Variants in MYBPC3 observed in about 807,000 individuals in gnomAD.
MYBPC3 encodes myosin-binding protein C, cardiac-type.
In MYBPC3, 108 loss-of-function variants were observed where a neutral mutation model predicts 159.3. That is an observed-to-expected ratio of 0.68 (90% confidence interval 0.58 to 0.80). The LOEUF is 0.80. Among genes scored for constraint, MYBPC3 ranks in the 30% least tolerant of loss-of-function variants. The pLI is 0.00. For missense variants in MYBPC3, 1,631 were observed against 1,762.1 expected, an observed-to-expected ratio of 0.93 and a Z score of 1.33; for synonymous variants, 730 against 702.0, an observed-to-expected ratio of 1.04 and a Z score of -0.63.
chr11:47,341,819 G>A (rs2095888877), intron 18 of MYBPC3, among the ~76,000 whole-genome samples, 172 bp downstream of exon 18: 2 of 151,436 alleles, frequency 1.3e-5, no homozygotes, highest in African/African-American at 4.9e-5. Context: ...TGTCTTTTTG[G>A]GTCTGTCTGT....
intron 12 of MYBPC3, among the ~76,000 whole-genome samples, chr11:47,345,682 G>T (rs767210650): frequency 2.0e-5 from 3 of 152,164 alleles, no homozygotes; most frequent in Non-Finnish European, 4.4e-5. Context: ...ATCTGCCTGG[G>T]GGTGAGGGTA....
Position 47,338,793 on chromosome 11 carries a change from G to A in MYBPC3, c.2149-114C>T. The A allele has an allele frequency of 7.2e-6, 9 of 1,252,948 alleles. No individual in the cohort carries two copies. Among genetic ancestry groups the A allele is most frequent in the Non-Finnish European group, 7.6e-6 (7 of 925,870 alleles). 77.6% of individuals were successfully genotyped at this position (1,252,948 alleles called of 1,614,324 possible). A position where few individuals can be genotyped will look rare whatever the true frequency, so the allele number is the denominator to read the frequency against. The stretch of plus-strand genomic sequence containing the variant: ...ATGGGGGGAACACAGCCTGTGGGAA[G>A]ACTGCATCCACGTCAGCATCTAGTT... On this transcript the variant is annotated intron_variant, in intron 22 of 34. Coordinates refer to ENST00000545968, the MANE Select transcript of MYBPC3 (RefSeq NM_000256.3). This position sits in a 1 kb window ranked among gnomAD's most constrained non-coding sequence, Gnocchi z 4.7.
In MYBPC3 at chr11:47,338,649, C is replaced by T. The variant is rs564378953; in HGVS notation, c.2179G>A (p.Val727Met). 99 of 1,613,568 alleles carry T rather than the reference C, an allele frequency of 6.1e-5. No homozygotes were observed. The highest frequency in any genetic ancestry group is 1.3e-4 in the Admixed American group (8 of 59,954). ...LLCETEGRVR[V>M]ETTKDRSIFT... The stretch of plus-strand genomic sequence containing the variant: ...ATGCTGCGGTCCTTGGTGGTCTCCA[C>T]GCGGACCCGGCCCTCGGTCTCACAC... The change falls in exon 23 of 35, where the codon GTG becomes ATG. Residue 727 changes from valine (V) to methionine (M), a missense_variant. Transcript: ENST00000545968. The surrounding 1 kb of genome is among the most constrained non-coding windows in gnomAD (Gnocchi z 4.7).
intron 25 of MYBPC3, among the ~76,000 whole-genome samples, 178 bp downstream of exon 25, chr11:47,337,213 T>C (rs2095883132): frequency 1.3e-5 from 2 of 152,176 alleles, no homozygotes; most frequent in African/African-American, 4.8e-5. Context: ...AAGCAGGTCA[T>C]TTAACTGCTT....
rs2095894258 is a variant in MYBPC3 at position 47,346,445 on chromosome 11, C to A, written c.927-75G>T. 6.8e-7 allele frequency: 1 copy of A among 1,476,586 alleles called. No individual in the cohort carries two copies. Among genetic ancestry groups the A allele is most frequent in the Non-Finnish European group, 9.0e-7 (1 of 1,107,164 alleles). The allele number at this position is 1,476,586 out of a possible 1,614,324, so 91.5% of individuals were successfully genotyped here. On this transcript the variant is annotated intron_variant, in intron 11 of 34. Coordinates refer to ENST00000545968, the MANE Select transcript of MYBPC3 (RefSeq NM_000256.3). The surrounding 1 kb of genome is among the most constrained non-coding windows in gnomAD (Gnocchi z 5.3). ...GGGCGGGGCTTCCTGGGCCCAGGAC[C>A]AAGGAGCTGTAGCCACCCCTGTCCC...
intron 27 of MYBPC3, 106 bp downstream of exon 27, chr11:47,334,934 GTT>G: frequency 2.4e-6 from 3 of 1,265,790 alleles, no homozygotes; most frequent in Non-Finnish European, 3.1e-6. Context: ...TCTGCCCAGC[GTT>G]CTGGGCAGAG....
At chr11:47,347,937 G>C in intron 6 of MYBPC3, 32 bp from the exon 7 acceptor site, 2 of 1,559,060 alleles carry the variant, frequency 1.3e-6, no homozygotes, top group South Asian at 2.4e-5. Flanking sequence ...ATGGGGGAAG[G>C]GGCTTCAGAG....
Position 47,338,702 on chromosome 11 carries a change from T to A in MYBPC3, c.2149-23A>T. On this transcript the variant is annotated intron_variant, in intron 22 of 34. Coordinates refer to ENST00000545968, the MANE Select transcript of MYBPC3 (RefSeq NM_000256.3). This position sits in a 1 kb window ranked among gnomAD's most constrained non-coding sequence, Gnocchi z 4.7. ...CAGCTGGGGGGGTGCAGAGTTGGGGTGAGATCCAAGTCAGACCCCAGAGGC... is the reference window on the plus strand; with the variant it reads ...CAGCTGGGGGGGTGCAGAGTTGGGGAGAGATCCAAGTCAGACCCCAGAGGC... The A allele has an allele frequency of 6.3e-7, 1 of 1,594,272 alleles. No individual in the cohort carries two copies. The highest frequency in any genetic ancestry group is 8.5e-7 in the Non-Finnish European group (1 of 1,170,314).
In MYBPC3 at chr11:47,338,788, G is replaced by T; in HGVS notation, c.2149-109C>A. ...GGTCCATGGGGGGAACACAGCCTGT[G>T]GGAAGACTGCATCCACGTCAGCATC... On this transcript the variant is annotated intron_variant, in intron 22 of 34. Coordinates refer to ENST00000545968, the MANE Select transcript of MYBPC3 (RefSeq NM_000256.3). This position sits in a 1 kb window ranked among gnomAD's most constrained non-coding sequence, Gnocchi z 4.7. The T allele has an allele frequency of 1.6e-6, 2 of 1,282,490 alleles. No homozygotes were observed. Among genetic ancestry groups the T allele is most frequent in the Non-Finnish European group, 2.1e-6 (2 of 951,804 alleles). The allele number at this position is 1,282,490 out of a possible 1,614,324, so 79.4% of individuals were successfully genotyped here.
At chr11:47,345,098 G>A (rs947499950) in intron 12 of MYBPC3, among the ~76,000 whole-genome samples, 1 of 152,180 alleles carries the variant, frequency 6.6e-6, no homozygotes, top group Non-Finnish European at 1.5e-5. Context: ...CCAGCAATTT[G>A]CTCTTTTTAC....
chr11:47,346,722 C>A lies in MYBPC3; in HGVS notation c.909-78G>T. The stretch of plus-strand genomic sequence containing the variant: ...GCCACCTTCCCTCAAAGACCTGGAC[C>A]CCACCCATGGGCCTTTACTTCCTCC... On this transcript the variant is annotated intron_variant, in intron 10 of 34. Coordinates refer to ENST00000545968, the MANE Select transcript of MYBPC3 (RefSeq NM_000256.3). The surrounding 1 kb of genome is among the most constrained non-coding windows in gnomAD (Gnocchi z 5.3). The A allele has an allele frequency of 7.0e-7, 1 of 1,429,420 alleles. No homozygotes were observed. Among genetic ancestry groups the A allele is most frequent in the African/African-American group, 1.4e-5 (1 of 70,340 alleles). The allele number at this position is 1,429,420 out of a possible 1,614,324, so 88.5% of individuals were successfully genotyped here.
intron 12 of MYBPC3, among the ~76,000 whole-genome samples, chr11:47,345,773 G>T (rs1405098676): frequency 6.6e-6 from 1 of 152,186 alleles, no homozygotes; most frequent in East Asian, 1.9e-4. Context: ...TGGCTCTCCA[G>T]GCTTAGCGGG....
chr11:47,333,992 A>C lies in MYBPC3; in HGVS notation c.2924T>G (p.Leu975Arg). The change falls in exon 28 of 35, where the codon CTG becomes CGG. Residue 975 changes from leucine to arginine, a missense_variant. Transcript: ENST00000545968. ...AATGGTCTGGCGCAGGTGCCTGGGCAGCTGAAGCCGTGGCCGTTCTGTGGG... is the reference window on the plus strand; with the variant it reads ...AATGGTCTGGCGCAGGTGCCTGGGCCGCTGAAGCCGTGGCCGTTCTGTGGG... Reference protein sequence around the residue: ...QEILQRPRLQLPRHLRQTIQK... With the variant: ...QEILQRPRLQRPRHLRQTIQK... 1 of 1,581,740 alleles carries C rather than the reference A, an allele frequency of 6.3e-7. No homozygotes were observed. Among genetic ancestry groups the C allele is most frequent in the South Asian group, 1.2e-5 (1 of 86,342 alleles).
At chr11:47,342,472 C>G (rs1274465385) in intron 17 of MYBPC3, 106 bp downstream of exon 17, 5 of 1,358,558 alleles carry the variant, frequency 3.7e-6, no homozygotes, top group Non-Finnish European at 4.9e-6. Context: ...CCCAAGGTCA[C>G]AGAGGCCTTG....
At chr11:47,340,932 G>A in intron 20 of MYBPC3, 71 bp downstream of exon 20, 2 of 1,430,434 alleles carry the variant, frequency 1.4e-6, no homozygotes, top group Non-Finnish European at 1.9e-6. Flanking sequence ...CTCTGTGAGT[G>A]GAGGGGAGGC....
In MYBPC3 at chr11:47,333,306, C is replaced by A; in HGVS notation, c.3218G>T (p.Arg1073Leu). The change falls in exon 30 of 35, where the codon CGG (arginine) becomes CTG (leucine). Residue 1073 changes from arginine to leucine, a missense_variant. Arg to Leu is a moderately radical substitution (Grantham distance 102). Transcript: ENST00000545968. ...ATTAAGACCCCAGGCGTCAGTCACC[C>A]GGAGATCCTGGGGAGGACTTGGCTT... is the stretch of plus-strand genomic sequence containing the variant. ...VDKPSPPQDL[R>L]VTDAWGLNVA... 6.3e-7 allele frequency: 1 copy of A among 1,588,046 alleles called. No homozygotes were observed. Among genetic ancestry groups the A allele is most frequent in the Non-Finnish European group, 8.6e-7 (1 of 1,166,380 alleles).
intron 25 of MYBPC3, chr11:47,336,489 CAAAAAAAAAA>C (rs34527074): frequency 4.1e-3 from 278 of 67,602 alleles, no homozygotes; most frequent in African/African-American, 0.015. Context: ...GACTCCATCT[CAAAAAAAAAA>C]AAAAAAAAAA....
At position 47,346,480 on chromosome 11, in the gene MYBPC3, TC is replaced by T; in HGVS notation, c.927-111del. The T allele has an allele frequency of 6.9e-7, 1 of 1,450,358 alleles. No homozygotes were observed. The highest frequency in any genetic ancestry group is 9.2e-7 in the Non-Finnish European group (1 of 1,088,122). 89.8% of individuals were successfully genotyped at this position (1,450,358 alleles called of 1,614,324 possible). The stretch of plus-strand genomic sequence containing the variant: ...TAGCCACCCCTGTCCCTCTGCCCCT[TC>T]CCTTCTGGTGGGGCAGCTGGAGCTG... On this transcript the variant is annotated intron_variant, in intron 11 of 34. Coordinates refer to ENST00000545968, the MANE Select transcript of MYBPC3 (RefSeq NM_000256.3). This position sits in a 1 kb window ranked among gnomAD's most constrained non-coding sequence, Gnocchi z 5.3.
intron 5 of MYBPC3, 65 bp downstream of exon 5, chr11:47,349,709 C>A (rs1298980308): frequency 1.3e-6 from 2 of 1,553,646 alleles, no homozygotes; most frequent in East Asian, 2.3e-5. Flanking sequence ...CCTCTGTGTG[C>A]CTTGTGCCTT....
Sources: allele counts gnomAD v4.1 joint callset (sites outside exome capture counted in the v4.1 genomes callset), GRCh38; gene constraint gnomAD v4.1.1; non-coding constraint Gnocchi (gnomAD v3.1); transcripts MANE v1.5; gene names NCBI Gene and HGNC (gene_info 2026-07-23, HGNC 2026-07-21).